The following AGMO variants were observed in gnomAD, a reference collection of about 807,000 sequenced individuals.
The protein encoded by AGMO is glyceryl-ether monooxygenase.
In AGMO, 75 loss-of-function variants were observed where a neutral mutation model predicts 60.2. The observed-to-expected ratio is 1.25, with a 90% CI of 1.03 to 1.51. The LOEUF (loss-of-function observed/expected upper bound fraction) is 1.51, where lower values mean the gene tolerates loss of function less well. Among genes scored for constraint, AGMO ranks in the 40% most tolerant of loss-of-function variants. The probability of loss-of-function intolerance (pLI) is 0.00; values close to 1 mark genes in which losing one functional copy is unlikely to be tolerated. For missense variants in AGMO, 763 were observed against 525.5 expected, an observed-to-expected ratio of 1.45 and a Z score of -4.42; for synonymous variants, 261 against 177.1, an observed-to-expected ratio of 1.47 and a Z score of -3.76.
chr7:15,298,465 G>C (rs1230990267), intron 12 of AGMO, among the ~76,000 whole-genome samples: 1 of 152,096 alleles, frequency 6.6e-6, no homozygotes, highest in East Asian at 1.9e-4. Context: ...CACAATCATG[G>C]CTCACTGCAG....
chr7:15,275,381 A>G (rs1783752226), intron 12 of AGMO, among the ~76,000 whole-genome samples: 1 of 152,264 alleles, frequency 6.6e-6, no homozygotes, highest in East Asian at 1.9e-4. Context: ...TTCTAATTTT[A>G]TTCCACTGTG....
the AGMO span, among the ~76,000 whole-genome samples, chr7:15,164,225 C>T: frequency 1.3e-5 from 2 of 152,106 alleles, no homozygotes; most frequent in Admixed American, 1.3e-4. Flanking sequence ...CTATCTCTCA[C>T]CATATACAAA....
intron 12 of AGMO, among the ~76,000 whole-genome samples, chr7:15,212,022 G>A (rs1781605521): frequency 6.6e-6 from 1 of 151,726 alleles, no homozygotes; most frequent in Non-Finnish European, 1.5e-5. Flanking sequence ...GAGGAAGAAA[G>A]GTCAGAAAAA....
chr7:15,354,327 T>TGTATACACACGTGTGTATACAC (rs1491261219), intron 12 of AGMO, among the ~76,000 whole-genome samples: 1 of 32,236 alleles, frequency 3.1e-5, no homozygotes, highest in Non-Finnish European at 5.3e-5. Context: ...TGTATATACG[T>TGTATACACACGTGTGTATACAC]ACGCGTGTAT....
In AGMO at chr7:15,547,676, G is replaced by A. The variant is rs553851471; in HGVS notation, c.258-2753C>T. 1.2e-3 allele frequency among the ~76,000 whole-genome samples: 177 copies of A among 152,212 alleles called. 3 individuals carry two copies. The Middle Eastern group carries it at 0.037, about 32-fold the overall frequency. Reference sequence around the variant, plus strand: ...GCTCGGAGGGTCCTACGCCCACGGAGTCTCGCTGATTGCTAGCACAGCAGT... The same window carrying A: ...GCTCGGAGGGTCCTACGCCCACGGAATCTCGCTGATTGCTAGCACAGCAGT... On this transcript the variant is annotated intron_variant, in intron 2 of 12. Transcript: ENST00000342526.
intron 12 of AGMO, among the ~76,000 whole-genome samples, chr7:15,330,904 G>A (rs140943262): frequency 3.3e-3 from 503 of 152,034 alleles, no homozygotes; most frequent in Non-Finnish European, 4.8e-3. Flanking sequence ...TATTCTGTAA[G>A]CCCCTCCCAC....
intron 3 of AGMO, among the ~76,000 whole-genome samples, chr7:15,492,922 G>A (rs1783107227): frequency 6.6e-6 from 1 of 152,024 alleles, no homozygotes; most frequent in Non-Finnish European, 1.5e-5. Context: ...TTCCATTTTT[G>A]AAGCCTTGAC....
intron 3 of AGMO, among the ~76,000 whole-genome samples, chr7:15,502,819 T>A (rs554233463): frequency 1.3e-5 from 2 of 152,148 alleles, no homozygotes; most frequent in South Asian, 4.1e-4. Context: ...TAGAGAGTTA[T>A]GTGTGATATG....
chr7:15,408,437 A>G (rs1348992108), intron 5 of AGMO, among the ~76,000 whole-genome samples: 1 of 151,888 alleles, frequency 6.6e-6, no homozygotes, highest in Non-Finnish European at 1.5e-5. Context: ...TATGTAATTG[A>G]TGAAGGATTA....
intron 10 of AGMO, among the ~76,000 whole-genome samples, chr7:15,371,488 T>A (rs1002348823): frequency 5.3e-5 from 8 of 152,104 alleles, no homozygotes; most frequent in Non-Finnish European, 7.4e-5. Context: ...CCTCCTGGGT[T>A]CAAGCAATTC....
chr7:15,280,899 T>C (rs1343815851), intron 12 of AGMO, among the ~76,000 whole-genome samples: 2 of 152,178 alleles, frequency 1.3e-5, no homozygotes, highest in Admixed American at 6.5e-5. Context: ...AGATAGAGTC[T>C]ACATCACTCT....
intron 12 of AGMO, among the ~76,000 whole-genome samples, chr7:15,214,380 T>C (rs1781676352): frequency 1.3e-5 from 2 of 152,056 alleles, no homozygotes; most frequent in Non-Finnish European, 2.9e-5. Context: ...GGTTAGCTTC[T>C]GAAGTTAGCA....
chr7:15,509,993 G>T (rs1007947161), intron 3 of AGMO, among the ~76,000 whole-genome samples: 4 of 152,152 alleles, frequency 2.6e-5, no homozygotes, highest in Admixed American at 6.5e-5. Flanking sequence ...AGCCATTATA[G>T]AAAAGTATGG....
chr7:15,246,608 T>G (rs1372311420), intron 12 of AGMO, among the ~76,000 whole-genome samples: 1 of 152,154 alleles, frequency 6.6e-6, no homozygotes, highest in African/African-American at 2.4e-5. Flanking sequence ...CTACTTTCCA[T>G]GGTAACGGGG....
chr7:15,309,282 T>C (rs1780699664), intron 12 of AGMO, among the ~76,000 whole-genome samples: 1 of 152,130 alleles, frequency 6.6e-6, no homozygotes, highest in South Asian at 2.1e-4. Flanking sequence ...GGCCAACATT[T>C]TTTTTCCATA....
At chr7:15,446,397 CA>C (rs1000595101) in intron 3 of AGMO, among the ~76,000 whole-genome samples, 4 of 151,572 alleles carry the variant, frequency 2.6e-5, no homozygotes, top group African/African-American at 9.7e-5. Context: ...AATAAATGAC[CA>C]AAAAAAACCC....
intron 12 of AGMO, among the ~76,000 whole-genome samples, chr7:15,344,255 C>G (rs1237708137): frequency 6.6e-6 from 1 of 152,076 alleles, no homozygotes. Flanking sequence ...TATTTATGTA[C>G]CAATTTCTTT....
At chr7:15,419,056 C>T (rs1296090424) in intron 4 of AGMO, among the ~76,000 whole-genome samples, 2 of 151,752 alleles carry the variant, frequency 1.3e-5, no homozygotes, top group African/African-American at 4.8e-5. Flanking sequence ...TATTACCTGG[C>T]ATTTTCAATA....
chr7:15,527,681 A>G (rs1160155764), intron 3 of AGMO, among the ~76,000 whole-genome samples: 2 of 152,226 alleles, frequency 1.3e-5, no homozygotes, highest in African/African-American at 4.8e-5. Flanking sequence ...GATGCAATCT[A>G]CAATTTTCAT....
Sources: allele counts gnomAD v4.1 joint callset (sites outside exome capture counted in the v4.1 genomes callset), GRCh38; gene constraint gnomAD v4.1.1; transcripts MANE v1.5; gene names NCBI Gene and HGNC (gene_info 2026-07-23, HGNC 2026-07-21).